ST6GALNAC3: variants seen among roughly 807,000 people sequenced by gnomAD.
ST6GALNAC3 encodes alpha-N-acetylgalactosaminide alpha-2,6-sialyltransferase 3.
ST6GALNAC3 carries 25 observed loss-of-function variants against 32.7 expected under a neutral mutation model. That is an observed-to-expected ratio of 0.76 (90% CI 0.56 to 1.07). ST6GALNAC3 has a LOEUF of 1.07. ST6GALNAC3 is among the 50% of genes least tolerant of loss of function. ST6GALNAC3 has a pLI of 0.00. For synonymous variants in ST6GALNAC3, 129 were observed against 133.1 expected (o/e 0.97, Z 0.21); for missense variants, 355 against 382.4 (o/e 0.93, Z 0.60).
chr1:76,521,490 G>A (rs1438094128), intron 3 of ST6GALNAC3, among the ~76,000 whole-genome samples: 2 of 151,926 alleles, frequency 1.3e-5, no homozygotes, highest in Non-Finnish European at 2.9e-5. Flanking sequence ...GAATAGCTGG[G>A]ATTACAGTTG....
intron 2 of ST6GALNAC3, among the ~76,000 whole-genome samples, chr1:76,383,724 A>T (rs1159420125): frequency 6.6e-6 from 1 of 152,216 alleles, no homozygotes; most frequent in Non-Finnish European, 1.5e-5. Flanking sequence ...AATAATGTCT[A>T]GTAAGATTAA....
chr1:76,519,516 A>T (rs9645424), intron 3 of ST6GALNAC3, among the ~76,000 whole-genome samples: 16,212 of 152,194 alleles, frequency 0.11, 1,005 homozygotes, highest in East Asian at 0.22. Context: ...ACTGAATTTT[A>T]AAATTTCTTA....
At chr1:76,585,004 A>G (rs931928618) in intron 3 of ST6GALNAC3, among the ~76,000 whole-genome samples, 2 of 152,198 alleles carry the variant, frequency 1.3e-5, no homozygotes, top group African/African-American at 4.8e-5. Flanking sequence ...CCATTATGAT[A>G]AAGCAGTACT....
chr1:76,293,111 G>A (rs986014846), intron 1 of ST6GALNAC3, among the ~76,000 whole-genome samples: 6 of 152,050 alleles, frequency 3.9e-5, no homozygotes, highest in Non-Finnish European at 5.9e-5. Flanking sequence ...GTAATATAAA[G>A]GAAACATTTC....
chr1:76,380,933 T>G (rs1485913107), intron 2 of ST6GALNAC3, among the ~76,000 whole-genome samples: 1 of 152,116 alleles, frequency 6.6e-6, no homozygotes, highest in Non-Finnish European at 1.5e-5. Context: ...ACTATTTCAT[T>G]TTAAGAGATG....
intron 3 of ST6GALNAC3, among the ~76,000 whole-genome samples, chr1:76,472,116 T>C (rs576482990): frequency 5.7e-4 from 87 of 152,196 alleles, no homozygotes; most frequent in African/African-American, 2.1e-3. Context: ...ATTTGTGAGT[T>C]TCTTGTTTGA....
At chr1:76,174,361 T>C (rs1397626438) in intron 1 of ST6GALNAC3, among the ~76,000 whole-genome samples, 1 of 151,542 alleles carries the variant, frequency 6.6e-6, no homozygotes, top group Non-Finnish European at 1.5e-5. Flanking sequence ...AGGTCAATAG[T>C]TGCAGCAAAC....
At chr1:76,089,130 A>G (rs1005892503) in intron 1 of ST6GALNAC3, among the ~76,000 whole-genome samples, 13 of 152,162 alleles carry the variant, frequency 8.5e-5, no homozygotes, top group Admixed American at 1.3e-4. Context: ...CCGGGTTCAC[A>G]CCATTCTCCT....
At chr1:76,186,269 C>A (rs1653549782) in intron 1 of ST6GALNAC3, among the ~76,000 whole-genome samples, 1 of 152,176 alleles carries the variant, frequency 6.6e-6, no homozygotes, top group Non-Finnish European at 1.5e-5. Context: ...GGAGTTTCTC[C>A]ATAAAGACCT....
intron 1 of ST6GALNAC3, among the ~76,000 whole-genome samples, chr1:76,233,040 CA>C (rs1029901047): frequency 1.3e-5 from 2 of 152,040 alleles, no homozygotes; most frequent in African/African-American, 4.8e-5. Context: ...GCTATAGGCT[CA>C]AAAAACAAAG....
At chr1:76,269,353 T>A (rs1485597210) in intron 1 of ST6GALNAC3, among the ~76,000 whole-genome samples, 2 of 152,180 alleles carry the variant, frequency 1.3e-5, no homozygotes, top group Middle Eastern at 3.2e-3. Flanking sequence ...AGTAATGTAA[T>A]ATAATGACTC....
chr1:76,435,987 A>C (rs113118954), intron 3 of ST6GALNAC3, among the ~76,000 whole-genome samples: 18,367 of 151,966 alleles, frequency 0.12, 1,426 homozygotes, highest in South Asian at 0.35. Flanking sequence ...TACACACTGC[A>C]CCCAATTTGT....
chr1:76,440,652 A>G (rs1656510261), intron 3 of ST6GALNAC3, among the ~76,000 whole-genome samples: 1 of 152,210 alleles, frequency 6.6e-6, no homozygotes, highest in African/African-American at 2.4e-5. Flanking sequence ...ATAAACTATA[A>G]ATGATTAATT....
intron 3 of ST6GALNAC3, among the ~76,000 whole-genome samples, chr1:76,519,147 A>T (rs1233991389): frequency 6.6e-6 from 1 of 152,106 alleles, no homozygotes; most frequent in African/African-American, 2.4e-5. Flanking sequence ...TGTATCTCAC[A>T]GTGTCATCTT....
At chr1:76,315,365 C>T (rs548758025) in intron 2 of ST6GALNAC3, among the ~76,000 whole-genome samples, 92 of 152,196 alleles carry the variant, frequency 6.0e-4, no homozygotes, top group African/African-American at 2.1e-3. Flanking sequence ...AAACATGTGA[C>T]TAAAATGTCT....
chr1:76,138,249 G>A (rs986203421), intron 1 of ST6GALNAC3, among the ~76,000 whole-genome samples: 4 of 152,164 alleles, frequency 2.6e-5, no homozygotes, highest in African/African-American at 9.7e-5. Flanking sequence ...TTATGGAGGG[G>A]AGACATCTGG....
intron 3 of ST6GALNAC3, among the ~76,000 whole-genome samples, chr1:76,580,454 T>A (rs1208322244): frequency 1.3e-5 from 2 of 152,182 alleles, no homozygotes; most frequent in East Asian, 3.8e-4. Flanking sequence ...AGCCAGTGTT[T>A]ATATGTAAAT....
chr1:76,158,570 T>A (rs1651615892), intron 1 of ST6GALNAC3, among the ~76,000 whole-genome samples: 1 of 152,240 alleles, frequency 6.6e-6, no homozygotes, highest in Non-Finnish European at 1.5e-5. Flanking sequence ...CCTTTTGTTG[T>A]TGTTCTTCTT....
chr1:76,303,172 A>T (rs918151880), intron 1 of ST6GALNAC3, among the ~76,000 whole-genome samples: 1 of 151,972 alleles, frequency 6.6e-6, no homozygotes, highest in Non-Finnish European at 1.5e-5. Flanking sequence ...GCAAACGAAG[A>T]CTTGGCCCAC....
Sources: allele counts gnomAD v4.1 joint callset (sites outside exome capture counted in the v4.1 genomes callset), GRCh38; gene constraint gnomAD v4.1.1; transcripts MANE v1.5; gene names NCBI Gene and HGNC (gene_info 2026-07-23, HGNC 2026-07-21).